Variants in CRACD observed in about 807,000 individuals in gnomAD.
CRACD encodes capping protein-inhibiting regulator of actin dynamics.
Under a neutral mutation model 106.8 loss-of-function variants are expected in CRACD, and 56 were observed. The ratio of observed to expected loss-of-function variants is 0.52; its 90% confidence interval spans 0.42 to 0.66. The LOEUF is 0.66. Ranked by LOEUF, CRACD falls within the 30% of genes least tolerant of loss-of-function variation. The pLI is 0.00. For synonymous variants in CRACD, 754 were observed against 670.8 expected (o/e 1.12, Z -1.92); for missense variants, 1,730 against 1,623.2 (o/e 1.07, Z -1.13).
intron 4 of CRACD, among the ~76,000 whole-genome samples, chr4:56,298,570 C>G (rs527690075): frequency 6.6e-6 from 1 of 152,258 alleles, no homozygotes; most frequent in South Asian, 2.1e-4. Flanking sequence ...GCATGACACA[C>G]CCTCTCCTTT....
chr4:56,054,344 T>C (rs927030416), intron 1 of CRACD, among the ~76,000 whole-genome samples: 1 of 151,928 alleles, frequency 6.6e-6, no homozygotes, highest in Non-Finnish European at 1.5e-5. Flanking sequence ...CCACATCTGG[T>C]TAATTATTTT....
chr4:56,176,425 C>T (rs1736584206), intron 1 of CRACD, among the ~76,000 whole-genome samples: 2 of 109,250 alleles, frequency 1.8e-5, no homozygotes, highest in African/African-American at 7.2e-5. Flanking sequence ...AATATCCTTC[C>T]AATTTCTTTT....
chr4:56,188,545 A>T (rs1272553915), intron 2 of CRACD, among the ~76,000 whole-genome samples: 1 of 151,466 alleles, frequency 6.6e-6, no homozygotes, highest in African/African-American at 2.4e-5. Flanking sequence ...TTATTCTCTG[A>T]TACCTCCCGT....
At chr4:56,226,953 G>A (rs752391176) in intron 2 of CRACD, among the ~76,000 whole-genome samples, 4 of 150,964 alleles carry the variant, frequency 2.6e-5, no homozygotes, top group Non-Finnish European at 5.9e-5. Flanking sequence ...ACTTACCAGC[G>A]TCCCTTTGCC....
intron 3 of CRACD, among the ~76,000 whole-genome samples, chr4:56,289,706 A>G (rs1250978513): frequency 6.6e-6 from 1 of 150,728 alleles, no homozygotes; most frequent in African/African-American, 2.4e-5. Context: ...AAAAAAAAAC[A>G]AAGTAAAACT....
intron 2 of CRACD, among the ~76,000 whole-genome samples, chr4:56,201,931 A>G (rs1032767951): frequency 2.0e-5 from 3 of 152,240 alleles, no homozygotes; most frequent in African/African-American, 4.8e-5. Context: ...TATTGAAGCC[A>G]TATTTGCAAT....
chr4:56,314,546 G>A lies in CRACD; in HGVS notation c.1044G>A (p.Glu348=), dbSNP rs1193853816. 2.0e-6 allele frequency: 3 copies of A among 1,507,726 alleles called. No homozygotes were observed. In the African/African-American group the frequency reaches 4.2e-5, roughly 21 times the overall value. 93.4% of individuals were successfully genotyped at this position (1,507,726 alleles called of 1,614,324 possible). Residue 348 remains glutamate (E), a synonymous_variant, in exon 8 of 11, where the codon GAG becomes GAA. Coordinates refer to ENST00000682029, the MANE Select transcript of CRACD (RefSeq NM_001393381.1). The surrounding 1 kb of genome is among the most constrained non-coding windows in gnomAD (Gnocchi z 4.4). ...DARLEERRRQ[E]EEEGRCAEEL... ...GGCTGGAGGAGCGGAGGCGGCAGGA[G>A]GAGGAGGAAGGAAGATGCGCGGAGG...
chr4:56,235,004 T>C lies in CRACD; in HGVS notation c.-188-37317T>C, dbSNP rs1193410207. Among the ~76,000 whole-genome samples the C allele has an allele frequency of 2.0e-5, 3 of 152,198 alleles. No homozygotes were observed. The East Asian group carries it at 5.8e-4, about 29-fold the overall frequency. The stretch of plus-strand genomic sequence containing the variant: ...ATCTAATTCATAGGGTAGAGTCCTG[T>C]TGTGTTTAAGGGCATGTTTTCAACA... On this transcript the variant is annotated intron_variant, in intron 2 of 10. Transcript: ENST00000682029.
intron 2 of CRACD, among the ~76,000 whole-genome samples, chr4:56,253,416 C>G (rs971854743): frequency 6.6e-6 from 1 of 152,144 alleles, no homozygotes; most frequent in African/African-American, 2.4e-5. Context: ...AGTTCAGTCA[C>G]CTCATTTTGC....
In CRACD at chr4:56,316,629, C is replaced by G; in HGVS notation, c.3127C>G (p.Pro1043Ala). 1.2e-6 allele frequency: 2 copies of G among 1,613,010 alleles called. No individual in the cohort carries two copies. Among genetic ancestry groups the G allele is most frequent in the Non-Finnish European group, 1.7e-6 (2 of 1,179,894 alleles). ...GGCGACAGAGAGGAAACCTGCTTCC[C>G]CACCTCTGCCTGCCACTCAGCAAGA... is the stretch of plus-strand genomic sequence containing the variant. ...EEATERKPAS[P>A]PLPATQQEKP... Residue 1043 changes from proline to alanine, a missense_variant, in exon 8 of 11, where the codon CCA becomes GCA. By Grantham distance (27) the Pro-to-Ala change is conservative (BLOSUM62 -1). Transcript: ENST00000682029.
intron 1 of CRACD, among the ~76,000 whole-genome samples, chr4:56,171,181 G>T (rs1736347217): frequency 6.6e-6 from 1 of 152,122 alleles, no homozygotes; most frequent in Non-Finnish European, 1.5e-5. Context: ...GAGTTAATGG[G>T]TGTAGCACAC....
At chr4:56,078,062 A>G (rs926174698) in intron 1 of CRACD, among the ~76,000 whole-genome samples, 3 of 152,244 alleles carry the variant, frequency 2.0e-5, no homozygotes, top group Admixed American at 2.0e-4. Flanking sequence ...ATATCCCCAA[A>G]TCAGTAGTTG....
intron 2 of CRACD, among the ~76,000 whole-genome samples, chr4:56,255,597 A>G (rs1741310638): frequency 6.6e-6 from 1 of 152,180 alleles, no homozygotes; most frequent in Non-Finnish European, 1.5e-5. Flanking sequence ...GAAAGTAACA[A>G]TTACATATTG....
At chr4:56,209,363 A>AT (rs943863996) in intron 2 of CRACD, among the ~76,000 whole-genome samples, 126 of 151,612 alleles carry the variant, frequency 8.3e-4, no homozygotes, top group African/African-American at 2.9e-3. Flanking sequence ...GCCTAGACAA[A>AT]TTTTTTTTTA....
chr4:56,200,745 G>A (rs765965487), intron 2 of CRACD, among the ~76,000 whole-genome samples: 3 of 152,172 alleles, frequency 2.0e-5, no homozygotes, highest in African/African-American at 7.2e-5. Flanking sequence ...TAAGTAGAAA[G>A]TGTAGAAAGT....
chr4:56,156,492 A>G (rs1364833859), intron 1 of CRACD, among the ~76,000 whole-genome samples: 1 of 152,228 alleles, frequency 6.6e-6, no homozygotes, highest in African/African-American at 2.4e-5. Flanking sequence ...TACATGCTGT[A>G]GAGAGTGGTA....
At chr4:56,105,903 G>C (rs4865053) in intron 1 of CRACD, among the ~76,000 whole-genome samples, 18,603 of 151,774 alleles carry the variant, frequency 0.12, 1,216 homozygotes, top group East Asian at 0.19. Flanking sequence ...GTTGGAGCTG[G>C]CCTTTGGCAA....
intron 1 of CRACD, among the ~76,000 whole-genome samples, chr4:56,178,215 G>A (rs1212737496): frequency 6.6e-6 from 1 of 152,184 alleles, no homozygotes; most frequent in Non-Finnish European, 1.5e-5. Context: ...GAGGCAGAAT[G>A]TTGAGCTCAT....
intron 8 of CRACD, among the ~76,000 whole-genome samples, chr4:56,319,374 G>T (rs933676347): frequency 6.6e-6 from 1 of 152,134 alleles, no homozygotes; most frequent in Non-Finnish European, 1.5e-5. Context: ...GGAGGCTGAG[G>T]TGGGCAGATT....
Sources: gnomAD v4.1 joint callset for allele counts (sites outside exome capture counted in the v4.1 genomes callset) on GRCh38, gnomAD v4.1.1 for gene constraint, Gnocchi (gnomAD v3.1) non-coding constraint, MANE v1.5 for transcripts, NCBI Gene and HGNC (gene_info 2026-07-23, HGNC 2026-07-21) for gene names.